The following WHAMM variants were observed in gnomAD, a reference collection of about 807,000 sequenced individuals.
The protein encoded by WHAMM is WASP homolog-associated protein with actin, membranes and microtubules.
In WHAMM, 67 loss-of-function variants were observed where a neutral mutation model predicts 76.5. The observed-to-expected ratio is 0.88, with a 90% CI of 0.72 to 1.07. WHAMM has a LOEUF of 1.07. Ranked by LOEUF, WHAMM falls within the 50% of genes least tolerant of loss-of-function variation. The pLI is 0.00. For synonymous variants in WHAMM, 419 were observed against 422.1 expected, an observed-to-expected ratio of 0.99 and a Z score of 0.09; for missense variants, 1,021 against 1,051.1, an observed-to-expected ratio of 0.97 and a Z score of 0.40.
intron 2 of WHAMM, among the ~76,000 whole-genome samples, chr15:82,815,464 TCAGTTGATGGACATTTGG>T (rs2050711801): frequency 6.6e-6 from 1 of 152,198 alleles, no homozygotes; most frequent in South Asian, 2.1e-4. Flanking sequence ...ATTTTATTTA[TCAGTTGATGGACATTTGG>T]GTTGTTTCCA....
intron 6 of WHAMM, among the ~76,000 whole-genome samples, 196 bp downstream of exon 6, chr15:82,823,483 G>A (rs1278286153): frequency 6.6e-6 from 1 of 151,956 alleles, no homozygotes; most frequent in Non-Finnish European, 1.5e-5. Context: ...TGGGATTTAA[G>A]CATTTAGCAA....
chr15:82,830,001 A>G (rs1437435675), intron 8 of WHAMM, among the ~76,000 whole-genome samples: 2 of 152,164 alleles, frequency 1.3e-5, no homozygotes, highest in African/African-American at 4.8e-5. Context: ...TCTTAAGCCT[A>G]AAAGTAAGAG....
chr15:82,828,990 C>T (rs2050983495), intron 8 of WHAMM, among the ~76,000 whole-genome samples: 1 of 152,100 alleles, frequency 6.6e-6, no homozygotes, highest in Non-Finnish European at 1.5e-5. Flanking sequence ...GAAGTGCCAC[C>T]CTTGAAGGGG....
chr15:82,823,345 T>A lies in WHAMM; in HGVS notation c.1458+58T>A, dbSNP rs186218797. 15 of 1,298,686 alleles carry A rather than the reference T, an allele frequency of 1.2e-5. No individual in the cohort carries two copies. In the Admixed American group the frequency reaches 4.5e-4, roughly 39 times the overall value. 80.4% of individuals were successfully genotyped at this position (1,298,686 alleles called of 1,614,324 possible). On this transcript the variant is annotated intron_variant, in intron 6 of 9. Coordinates refer to ENST00000286760, the MANE Select transcript of WHAMM (RefSeq NM_001080435.3). The stretch of plus-strand genomic sequence containing the variant: ...TCTCTTTCAGAGATTTATTCTTGTA[T>A]GAAGGATAAAGGTATTGAAATAAGG...
chr15:82,832,763 A>G (rs2051051251), intron 9 of WHAMM, among the ~76,000 whole-genome samples: 1 of 152,232 alleles, frequency 6.6e-6, no homozygotes, highest in Admixed American at 6.5e-5. Flanking sequence ...CTAATACCCA[A>G]GACTGAAGTT....
intron 2 of WHAMM, among the ~76,000 whole-genome samples, chr15:82,816,207 T>C (rs573821319): frequency 3.9e-5 from 6 of 152,284 alleles, no homozygotes; most frequent in South Asian, 4.1e-4. Flanking sequence ...CTTCAACATA[T>C]GCATTTTGGG....
At chr15:82,833,142 T>G (rs769239914) in intron 9 of WHAMM, 87 bp from the exon 10 acceptor site, 24 of 1,384,960 alleles carry the variant, frequency 1.7e-5, no homozygotes, top group Non-Finnish European at 2.2e-5. Context: ...TGTTAACTGA[T>G]AGGAGATTTC....
chr15:82,823,542 ATTGC>A (rs2050874518), intron 6 of WHAMM, among the ~76,000 whole-genome samples: 1 of 152,122 alleles, frequency 6.6e-6, no homozygotes, highest in Non-Finnish European at 1.5e-5. Context: ...TTGAATGCCC[ATTGC>A]ATACACAGGC....
Position 82,810,339 on chromosome 15 carries a change from A to T in WHAMM, c.609+4A>T. ...GGCGGACGCGCGGCTGCGCCAGGTA[A>T]GCGAGGCCCGGTCGCCGGCGTTCGT... On this transcript the variant is annotated splice_donor_region_variant and intron_variant, in intron 1 of 9. Transcript: ENST00000286760. 2.3e-6 allele frequency: 3 copies of T among 1,307,082 alleles called. No homozygotes were observed. Among genetic ancestry groups the T allele is most frequent in the Non-Finnish European group, 2.9e-6 (3 of 1,032,932 alleles). The allele number at this position is 1,307,082 out of a possible 1,614,324, so 81.0% of individuals were successfully genotyped here. A position where few individuals can be genotyped will look rare whatever the true frequency, so the allele number is the denominator to read the frequency against.
At position 82,833,639 on chromosome 15, in the gene WHAMM, C is replaced by G. The variant is rs1341107408; in HGVS notation, c.*103C>G. 8.0e-7 allele frequency: 1 copy of G among 1,253,916 alleles called. No homozygotes were observed. The highest frequency in any genetic ancestry group is 1.1e-6 in the Non-Finnish European group (1 of 915,778). 77.7% of individuals were successfully genotyped at this position (1,253,916 alleles called of 1,614,324 possible). On this transcript the variant is annotated 3_prime_UTR_variant, in exon 10 of 10. Coordinates refer to ENST00000286760, the MANE Select transcript of WHAMM (RefSeq NM_001080435.3). ...TAACAGGGTGCTGATAGATGGGCCA[C>G]ATAACACCCCGGAAGATCAGCAGGG...
At chr15:82,824,101 C>G (rs2050886351) in intron 6 of WHAMM, among the ~76,000 whole-genome samples, 1 of 149,516 alleles carries the variant, frequency 6.7e-6, no homozygotes, top group South Asian at 2.1e-4. Flanking sequence ...AAGGAAGCTC[C>G]TATATATCAT....
intron 3 of WHAMM, among the ~76,000 whole-genome samples, chr15:82,817,345 C>T (rs953448913): frequency 6.6e-6 from 1 of 152,140 alleles, no homozygotes; most frequent in African/African-American, 2.4e-5. Flanking sequence ...AAATGCTGGC[C>T]AGACAGGCAG....
At position 82,810,481 on chromosome 15, in the gene WHAMM, C is replaced by T. The variant is rs935065771; in HGVS notation, c.609+146C>T. On this transcript the variant is annotated intron_variant, in intron 1 of 9. Transcript: ENST00000286760. Reference sequence around the variant, plus strand: ...AAGGCCGCGGGCTCCCCAGTGCCGTCACCTGCGCGGGACCGCTGCGGGAAA... The same window carrying T: ...AAGGCCGCGGGCTCCCCAGTGCCGTTACCTGCGCGGGACCGCTGCGGGAAA... 2.0e-5 allele frequency: 25 copies of T among 1,224,802 alleles called. No homozygotes were observed. In the Admixed American group the frequency reaches 1.1e-3, roughly 52 times the overall value. The allele number at this position is 1,224,802 out of a possible 1,614,324, so 75.9% of individuals were successfully genotyped here.
At position 82,833,232 on chromosome 15, in the gene WHAMM, C is replaced by T. The variant is rs763626038; in HGVS notation, c.2126C>T (p.Ser709Phe). ...DSLESFSCPG[S>F]MDEVLASLRH... The stretch of plus-strand genomic sequence containing the variant: ...AGCTCTGCTTATTCAATTTCAGGAT[C>T]TATGGATGAAGTGTTGGCCTCCTTA... Residue 709 changes from serine (S) to phenylalanine (F), a missense_variant, in exon 10 of 10, where the codon TCT becomes TTT. Physicochemically the swap from Ser to Phe is radical, Grantham distance 155. Coordinates refer to ENST00000286760, the MANE Select transcript of WHAMM (RefSeq NM_001080435.3). 17 of 1,613,236 alleles carry T rather than the reference C, an allele frequency of 1.1e-5. No homozygotes were observed. Among genetic ancestry groups the T allele is most frequent in the Non-Finnish European group, 1.4e-5 (16 of 1,179,486 alleles).
chr15:82,818,748 G>A (rs1241141520), intron 4 of WHAMM, among the ~76,000 whole-genome samples: 1 of 152,208 alleles, frequency 6.6e-6, no homozygotes, highest in African/African-American at 2.4e-5. Flanking sequence ...CAGATTGGGT[G>A]GCTTAAACAA....
rs1460094469 is a variant in WHAMM, at chr15:82,834,778, T to C, written c.*1242T>C. 6.6e-6 allele frequency: 1 copy of C among 152,324 alleles called. No homozygotes were observed. The highest frequency in any genetic ancestry group is 1.5e-5 in the Non-Finnish European group (1 of 68,044). 9.4% of individuals were successfully genotyped at this position (152,324 alleles called of 1,614,324 possible). A position where few individuals can be genotyped will look rare whatever the true frequency, so the allele number is the denominator to read the frequency against. ...GGTAATGAAAACATACCTTAGCTGC[T>C]GTAAAAGCAAAGTCTTCCGTGTCCG... On this transcript the variant is annotated 3_prime_UTR_variant, in exon 10 of 10. Coordinates refer to ENST00000286760, the MANE Select transcript of WHAMM (RefSeq NM_001080435.3).
At chr15:82,826,633 G>A (rs2050939447) in intron 7 of WHAMM, 118 bp from the exon 8 acceptor site, 1 of 1,562,484 alleles carries the variant, frequency 6.4e-7, no homozygotes, top group East Asian at 2.3e-5. Flanking sequence ...CCTGGGCGCA[G>A]CCTTGGGGTG....
At position 82,810,238 on chromosome 15, in the gene WHAMM, C is replaced by G. The variant is rs757526203; in HGVS notation, c.512C>G (p.Pro171Arg). The G allele has an allele frequency of 1.6e-5, 23 of 1,401,152 alleles. No individual in the cohort carries two copies. The highest frequency in any genetic ancestry group is 2.9e-5 in the Admixed American group (1 of 34,092). The allele number at this position is 1,401,152 out of a possible 1,614,324, so 86.8% of individuals were successfully genotyped here. ...GCCACAGTGCGCGACGCACTCTTCCCGGCTGAGGGCGGCGCGGCCGACTGC... is the reference window on the plus strand; with the variant it reads ...GCCACAGTGCGCGACGCACTCTTCCGGGCTGAGGGCGGCGCGGCCGACTGC... ...GGATVRDALF[P>R]AEGGAADCES... The change falls in exon 1 of 10, where the codon CCG (proline) becomes CGG (arginine). Residue 171 changes from proline to arginine, a missense_variant. Coordinates refer to ENST00000286760, the MANE Select transcript of WHAMM (RefSeq NM_001080435.3).
chr15:82,810,149 G>A lies in WHAMM; in HGVS notation c.423G>A (p.Ala141=). 2.2e-6 allele frequency: 3 copies of A among 1,377,226 alleles called. No individual in the cohort carries two copies. Among genetic ancestry groups the A allele is most frequent in the East Asian group, 3.4e-5 (1 of 29,320 alleles). The allele number at this position is 1,377,226 out of a possible 1,614,324, so 85.3% of individuals were successfully genotyped here. A position where few individuals can be genotyped will look rare whatever the true frequency, so the allele number is the denominator to read the frequency against. ...WPTRAGPGEA[A]LQELCGQLER... The stretch of plus-strand genomic sequence containing the variant: ...CGCGCGCGGGTCCCGGCGAGGCGGC[G>A]CTGCAGGAGCTGTGCGGGCAGCTGG... Residue 141 remains alanine (A), a synonymous_variant, in exon 1 of 10, where the codon GCG becomes GCA. Coordinates refer to ENST00000286760, the MANE Select transcript of WHAMM (RefSeq NM_001080435.3).
Sources: allele counts gnomAD v4.1 joint callset (sites outside exome capture counted in the v4.1 genomes callset), GRCh38; gene constraint gnomAD v4.1.1; transcripts MANE v1.5; gene names NCBI Gene and HGNC (gene_info 2026-07-23, HGNC 2026-07-21).